The following NEDD9 variants were observed in gnomAD, a reference collection of about 807,000 sequenced individuals.
NEDD9 encodes the protein enhancer of filamentation 1.
Under a neutral mutation model 76.6 loss-of-function variants are expected in NEDD9, and 26 were observed. The observed-to-expected ratio is 0.34, with a 90% CI of 0.25 to 0.47. NEDD9 has a LOEUF of 0.47. NEDD9 is among the 20% of genes least tolerant of loss of function. The probability of loss-of-function intolerance (pLI) is 1.00; values close to 1 mark genes in which losing one functional copy is unlikely to be tolerated. For missense variants in NEDD9, 937 were observed against 1,058.5 expected (o/e 0.89, Z 1.59); for synonymous variants, 392 against 414.2 (o/e 0.95, Z 0.65).
chr6:11,199,877 G>C (rs1438172772), intron 2 of NEDD9: 1 of 153,224 alleles, frequency 6.5e-6, no homozygotes, highest in African/African-American at 2.4e-5. Flanking sequence ...GTTTTACCGT[G>C]TTAGCCAGGA....
intron 1 of NEDD9, among the ~76,000 whole-genome samples, chr6:11,377,319 C>A (rs1224472101): frequency 6.6e-6 from 1 of 152,258 alleles, no homozygotes; most frequent in African/African-American, 2.4e-5. Flanking sequence ...GGAAAAGCAA[C>A]AAGCACTCAA....
At chr6:11,355,887 A>AT (rs368895371) in intron 1 of NEDD9, among the ~76,000 whole-genome samples, 8,319 of 150,830 alleles carry the variant, frequency 0.055, 569 homozygotes, top group African/African-American at 0.17. Context: ...CGCCCGGCTA[A>AT]TTTTTTGTAT....
intron 2 of NEDD9, among the ~76,000 whole-genome samples, chr6:11,317,022 T>A (rs564443208): frequency 6.6e-5 from 10 of 152,268 alleles, no homozygotes; most frequent in African/African-American, 2.4e-4. Flanking sequence ...CAGTTATATA[T>A]CCCAAGTCTG....
At chr6:11,315,529 G>A (rs1268642570) in intron 2 of NEDD9, among the ~76,000 whole-genome samples, 1 of 152,178 alleles carries the variant, frequency 6.6e-6, no homozygotes, top group Non-Finnish European at 1.5e-5. Flanking sequence ...AATTTGTTGG[G>A]GATTTAATAT....
chr6:11,201,296 G>A (rs1021401981), intron 2 of NEDD9, among the ~76,000 whole-genome samples: 2 of 152,148 alleles, frequency 1.3e-5, no homozygotes, highest in South Asian at 2.1e-4. Flanking sequence ...GGGAGCAGAC[G>A]GCTGCCACTC....
chr6:11,233,489 G>A (rs747192872), upstream of NEDD9: 1 of 518,722 alleles, frequency 1.9e-6, no homozygotes, highest in Admixed American at 1.9e-5. Flanking sequence ...GTTCTTTGAC[G>A]GCTGGCATTT....
chr6:11,197,625 T>C (rs532290479), intron 2 of NEDD9, among the ~76,000 whole-genome samples: 3 of 152,126 alleles, frequency 2.0e-5, no homozygotes, highest in Non-Finnish European at 4.4e-5. Flanking sequence ...CATCTCCAAG[T>C]CTGGGTCCTG....
intron 2 of NEDD9, among the ~76,000 whole-genome samples, chr6:11,317,870 A>C (rs1024148986): frequency 1.3e-5 from 2 of 152,162 alleles, no homozygotes; most frequent in Non-Finnish European, 2.9e-5. Context: ...GTGTTTTGAA[A>C]TGAGATTAAC....
intron 1 of NEDD9, among the ~76,000 whole-genome samples, chr6:11,230,302 A>T (rs917101758): frequency 6.6e-6 from 1 of 152,234 alleles, no homozygotes; most frequent in African/African-American, 2.4e-5. Context: ...TTCTCTTAAT[A>T]GTGGTTAAAG....
intron 3 of NEDD9, among the ~76,000 whole-genome samples, chr6:11,275,509 A>G (rs1760395754): frequency 6.6e-6 from 1 of 152,156 alleles, no homozygotes; most frequent in Non-Finnish European, 1.5e-5. Flanking sequence ...ATCATAAAAT[A>G]TACGCATTTC....
In NEDD9 at chr6:11,190,679, G is replaced by A; in HGVS notation, c.1190C>T (p.Ala397Val). ...ATCCAGGAAGAGCCTTTTGTCCTGA[G>A]CTGGGGAGGCTGACAGTGAGGACTC... ...SKESSLSASP[A>V]QDKRLFLDPD... is the part of the protein sequence containing the mutation. Residue 397 changes from alanine (A) to valine (V), a missense_variant, in exon 5 of 7, where the codon GCT becomes GTT. Coordinates refer to ENST00000379446, the MANE Select transcript of NEDD9 (RefSeq NM_006403.4). This position sits in a 1 kb window ranked among gnomAD's most constrained non-coding sequence, Gnocchi z 5.8. 1.2e-5 allele frequency: 19 copies of A among 1,614,164 alleles called. No individual in the cohort carries two copies. The highest frequency in any genetic ancestry group is 1.5e-5 in the Non-Finnish European group (18 of 1,180,026).
intron 3 of NEDD9, among the ~76,000 whole-genome samples, chr6:11,266,397 G>C (rs942337554): frequency 6.6e-5 from 10 of 152,078 alleles, no homozygotes; most frequent in Non-Finnish European, 1.5e-4. Flanking sequence ...AATGCACAGG[G>C]CAACTCCACA....
chr6:11,197,829 T>G (rs914777206), intron 2 of NEDD9, among the ~76,000 whole-genome samples: 1 of 152,166 alleles, frequency 6.6e-6, no homozygotes, highest in African/African-American at 2.4e-5. Context: ...TGCCTCATAA[T>G]TTTGAAAGCC....
chr6:11,310,242 C>T (rs72832916), intron 2 of NEDD9, among the ~76,000 whole-genome samples: 3,688 of 152,298 alleles, frequency 0.024, 68 homozygotes, highest in Middle Eastern at 0.048. Context: ...AACAGCCATG[C>T]GCTCCGAAAG....
intron 3 of NEDD9, among the ~76,000 whole-genome samples, chr6:11,284,642 A>G (rs1760609774): frequency 6.6e-6 from 1 of 151,672 alleles, no homozygotes; most frequent in East Asian, 1.9e-4. Context: ...GTTATTCAAA[A>G]CAGTTGAGAA....
chr6:11,269,467 C>T (rs932331532), intron 3 of NEDD9, among the ~76,000 whole-genome samples: 17 of 152,308 alleles, frequency 1.1e-4, no homozygotes, highest in African/African-American at 3.6e-4. Context: ...TCACAGACCT[C>T]CTTGGGTATC....
chr6:11,271,004 C>G (rs901916389), intron 3 of NEDD9, among the ~76,000 whole-genome samples: 5 of 152,102 alleles, frequency 3.3e-5, no homozygotes, highest in Admixed American at 1.3e-4. Flanking sequence ...AAGTATCACT[C>G]TTTTTTGGCC....
intron 3 of NEDD9, among the ~76,000 whole-genome samples, chr6:11,293,704 C>T (rs1268491684): frequency 2.0e-5 from 3 of 151,864 alleles, no homozygotes; most frequent in Admixed American, 6.6e-5. Flanking sequence ...GTATTTTTAA[C>T]CATGTCACCA....
intron 2 of NEDD9, among the ~76,000 whole-genome samples, chr6:11,325,503 T>C (rs1433472735): frequency 6.6e-6 from 1 of 152,258 alleles, no homozygotes; most frequent in African/African-American, 2.4e-5. Context: ...AATGCTCTTA[T>C]ATTTTCGTTT....
Sources: gnomAD v4.1 joint callset for allele counts (sites outside exome capture counted in the v4.1 genomes callset) on GRCh38, gnomAD v4.1.1 for gene constraint, Gnocchi (gnomAD v3.1) non-coding constraint, MANE v1.5 for transcripts, NCBI Gene and HGNC (gene_info 2026-07-23, HGNC 2026-07-21) for gene names.